Variants in KIF26A observed in about 807,000 individuals in gnomAD.
KIF26A encodes kinesin-like protein KIF26A.
A neutral mutation model predicts 126.0 loss-of-function variants in KIF26A; 74 were observed. That is an observed-to-expected ratio of 0.59 (90% CI 0.49 to 0.71). The LOEUF (loss-of-function observed/expected upper bound fraction) is 0.71, where lower values mean the gene tolerates loss of function less well. KIF26A is among the 30% of genes least tolerant of loss of function. KIF26A has a pLI of 0.00. For synonymous variants in KIF26A, 1,445 were observed against 1,232.7 expected, an observed-to-expected ratio of 1.17 and a Z score of -3.61; for missense variants, 2,984 against 2,763.3, an observed-to-expected ratio of 1.08 and a Z score of -1.79.
Position 104,180,846 on chromosome 14 carries a change from G to A in KIF26A, c.*1056G>A, listed in dbSNP as rs2038095523. 6.5e-6 allele frequency: 1 copy of A among 153,414 alleles called. No individual in the cohort carries two copies. Among genetic ancestry groups the A allele is most frequent in the African/African-American group, 2.4e-5 (1 of 41,380 alleles). The allele number at this position is 153,414 out of a possible 1,614,324, so 9.5% of individuals were successfully genotyped here. On this transcript the variant is annotated 3_prime_UTR_variant, in exon 15 of 15. Transcript: ENST00000423312. Reference sequence around the variant, plus strand: ...TGAACCTTTGTACAAATGTGTAGATGACATCTTGCTACAGCTTTTATTTGT... The same window carrying A: ...TGAACCTTTGTACAAATGTGTAGATAACATCTTGCTACAGCTTTTATTTGT...
At chr14:104,156,460 G>A (rs1027243258) in intron 3 of KIF26A, among the ~76,000 whole-genome samples, 2 of 152,136 alleles carry the variant, frequency 1.3e-5, no homozygotes, top group African/African-American at 4.8e-5. Context: ...TGGAAGCCCC[G>A]GAGGAGTGGC....
intron 5 of KIF26A, 139 bp from the exon 6 acceptor site, chr14:104,171,584 G>C (rs1402925240): frequency 1.5e-6 from 1 of 687,402 alleles, no homozygotes; most frequent in Admixed American, 2.5e-5. Flanking sequence ...GCAGGGGCGC[G>C]GTGTCCACAT....
rs1025176121 is a variant in KIF26A, at chr14:104,179,399, C to T, written c.5467+13C>T. ...TGGCTGGAGCAGTGTGAGTCCCGCC[C>T]GCCCACGGACCCAGCCCGGCCCACC... On this transcript the variant is annotated intron_variant, in intron 14 of 14. Coordinates refer to ENST00000423312, the MANE Select transcript of KIF26A (RefSeq NM_015656.2). 1.7e-5 allele frequency: 26 copies of T among 1,490,376 alleles called. No homozygotes were observed. The highest frequency in any genetic ancestry group is 2.8e-5 in the African/African-American group (2 of 71,246). 92.3% of individuals were successfully genotyped at this position (1,490,376 alleles called of 1,614,324 possible).
At chr14:104,160,467 G>A (rs2037823095) in intron 4 of KIF26A, among the ~76,000 whole-genome samples, 2 of 152,122 alleles carry the variant, frequency 1.3e-5, no homozygotes, top group African/African-American at 4.8e-5. Context: ...ATGCTAACAG[G>A]GGCATAGATA....
intron 2 of KIF26A, among the ~76,000 whole-genome samples, chr14:104,144,601 A>G (rs1326755159): frequency 6.6e-6 from 1 of 152,200 alleles, no homozygotes; most frequent in Non-Finnish European, 1.5e-5. Context: ...CCCTTAAGTA[A>G]CAAAGAAAGT....
intron 3 of KIF26A, among the ~76,000 whole-genome samples, chr14:104,154,413 C>T (rs1272413822): frequency 6.6e-6 from 1 of 152,202 alleles, no homozygotes; most frequent in Non-Finnish European, 1.5e-5. Flanking sequence ...CCCAGGGCTC[C>T]CAGGGCCTCC....
chr14:104,161,237 G>T (rs1354588670), intron 4 of KIF26A, among the ~76,000 whole-genome samples: 2 of 150,768 alleles, frequency 1.3e-5, no homozygotes, highest in Non-Finnish European at 3.0e-5. Context: ...CCCAGCTGGG[G>T]TCCCCCGATG....
intron 4 of KIF26A, among the ~76,000 whole-genome samples, chr14:104,160,954 G>T (rs1457471308): frequency 1.3e-5 from 2 of 152,248 alleles, no homozygotes; most frequent in Admixed American, 6.5e-5. Flanking sequence ...GAGCCCCCGT[G>T]TCAGCCTGGA....
chr14:104,164,712 TGA>T (rs535150442), intron 4 of KIF26A, among the ~76,000 whole-genome samples: 28 of 148,172 alleles, frequency 1.9e-4, no homozygotes, highest in Admixed American at 1.4e-3. Context: ...TGTATGTGTG[TGA>T]GTGTGTGTGC....
Position 104,175,589 on chromosome 14 carries a change from T to C in KIF26A, c.2801T>C (p.Leu934Pro). 6.2e-7 allele frequency: 1 copy of C among 1,609,640 alleles called. No homozygotes were observed. The highest frequency in any genetic ancestry group is 1.1e-5 in the South Asian group (1 of 91,046). ...GACAGCAGCGCTTGGCCTGAGCTGC[T>C]GGTCCCGGAAAAGGCTGCAGTGAGT... ...REDSSAWPEL[L>P]VPEKAAVSGG... The change falls in exon 12 of 15, where the codon CTG (leucine) becomes CCG (proline). Residue 934 changes from leucine (L) to proline (P), a missense_variant. By Grantham distance (98) the Leu-to-Pro change is moderately conservative. Transcript: ENST00000423312.
chr14:104,158,541 C>T (rs1596139015), intron 4 of KIF26A, among the ~76,000 whole-genome samples: 1 of 152,202 alleles, frequency 6.6e-6, no homozygotes, highest in East Asian at 1.9e-4. Flanking sequence ...CCAGGAGCAT[C>T]CCACATTGGG....
rs182062373 is a variant in KIF26A, at chr14:104,163,861, C to T, written c.924-2998C>T. On this transcript the variant is annotated intron_variant, in intron 4 of 14. Coordinates refer to ENST00000423312, the MANE Select transcript of KIF26A (RefSeq NM_015656.2). ...GGGCAAGGAACCCAAGTCCCCGAGG[C>T]GGCGGGTGGGCTTCCCACACCTGGA... Among the ~76,000 whole-genome samples the T allele has an allele frequency of 4.9e-3, 745 of 152,088 alleles. 2 individuals are homozygous for T. Among genetic ancestry groups the T allele is most frequent in the Non-Finnish European group, 7.8e-3 (530 of 67,976 alleles).
In KIF26A at chr14:104,175,470, G is replaced by A; in HGVS notation, c.2682G>A (p.Met894Ile). 4 of 1,592,696 alleles carry A rather than the reference G, an allele frequency of 2.5e-6. No homozygotes were observed. Among genetic ancestry groups the A allele is most frequent in the Non-Finnish European group, 3.4e-6 (4 of 1,176,786 alleles). The part of the protein sequence containing the change: ...ASPRKAVGTP[M>I]AASTPRGSSG... The stretch of plus-strand genomic sequence containing the variant: ...CCAGGAAGGCCGTGGGCACCCCGAT[G>A]GCTGCCAGCACCCCTCGAGGCAGTT... Residue 894 changes from methionine (M) to isoleucine (I), a missense_variant, in exon 12 of 15, where the codon ATG (methionine) becomes ATA (isoleucine). Transcript: ENST00000423312.
chr14:104,176,250 G>T lies in KIF26A; in HGVS notation c.3462G>T (p.Gly1154=), dbSNP rs1192674398. 4 of 1,598,226 alleles carry T rather than the reference G, an allele frequency of 2.5e-6. No homozygotes were observed. The highest frequency in any genetic ancestry group is 1.1e-5 in the South Asian group (1 of 88,896). The part of the protein sequence containing the change: ...GGPPALDGSL[G]DGSSGFLGPD... ...CCCCTGCCCTGGATGGTTCCCTGGG[G>T]GATGGAAGCTCTGGGTTCCTGGGGC... The change falls in exon 12 of 15, where the codon GGG becomes GGT. Residue 1154 remains glycine (G), a synonymous_variant. Transcript: ENST00000423312.
rs750976958 is a variant in KIF26A, at chr14:104,175,506, C to T, written c.2718C>T (p.Asp906=). 1 of 1,596,842 alleles carries T rather than the reference C, an allele frequency of 6.3e-7. No individual in the cohort carries two copies. Among genetic ancestry groups the T allele is most frequent in the Non-Finnish European group, 8.5e-7 (1 of 1,178,174 alleles). ...CCCCTCGAGGCAGTTCTGGTCCAGA[C>T]ACCCACCAGGGTACCCCTGAGCCCT... The part of the protein sequence containing the change: ...ASTPRGSSGP[D]THQGTPEPCK... Residue 906 remains aspartate (D), a synonymous_variant, in exon 12 of 15, where the codon GAC becomes GAT. Coordinates refer to ENST00000423312, the MANE Select transcript of KIF26A (RefSeq NM_015656.2).
chr14:104,178,950 C>T (rs866574883), intron 13 of KIF26A, among the ~76,000 whole-genome samples, 195 bp downstream of exon 13: 14 of 152,184 alleles, frequency 9.2e-5, no homozygotes, highest in South Asian at 2.1e-4. Flanking sequence ...GTTGCAGCTC[C>T]GACACTCCCC....
At position 104,179,253 on chromosome 14, in the gene KIF26A, T is replaced by C; in HGVS notation, c.5334T>C (p.Ser1778=). The change falls in exon 14 of 15, where the codon AGT becomes AGC. Residue 1778 remains serine (S), a synonymous_variant. Transcript: ENST00000423312. ...CCTCCCAGGGTCTGGCGTGCGTCAG[T>C]ACAAGGCTGCGGCTGGCGGAGCGCA... ...EAPTQGLACV[S]TRLRLAERRQ... 2.6e-6 allele frequency: 4 copies of C among 1,520,596 alleles called. No homozygotes were observed. Among genetic ancestry groups the C allele is most frequent in the Non-Finnish European group, 3.5e-6 (4 of 1,139,044 alleles). The allele number at this position is 1,520,596 out of a possible 1,614,324, so 94.2% of individuals were successfully genotyped here. A position where few individuals can be genotyped will look rare whatever the true frequency, so the allele number is the denominator to read the frequency against.
At chr14:104,168,015 CCCTGGG>C (rs145695415) in intron 5 of KIF26A, among the ~76,000 whole-genome samples, 6,530 of 152,250 alleles carry the variant, frequency 0.043, 177 homozygotes, top group Non-Finnish European at 0.063. Context: ...AGGCCCCTGT[CCCTGGG>C]CCTGGGGGTG....
chr14:104,173,116 C>G lies in KIF26A; in HGVS notation c.1560C>G (p.Ala520=). Reference sequence around the variant, plus strand: ...CCCGCTTCTCCGTCCGGGTCTCAGCCGTGGAGGTGTGCGGGCGCGACCAGA... The same window carrying G: ...CCCGCTTCTCCGTCCGGGTCTCAGCGGTGGAGGTGTGCGGGCGCGACCAGA... ...TGTRFSVRVS[A]VEVCGRDQSL... The change falls in exon 8 of 15, where the codon GCC becomes GCG. Residue 520 remains alanine (A), a synonymous_variant. Coordinates refer to ENST00000423312, the MANE Select transcript of KIF26A (RefSeq NM_015656.2). 1 of 1,607,734 alleles carries G rather than the reference C, an allele frequency of 6.2e-7. No homozygotes were observed. Among genetic ancestry groups the G allele is most frequent in the South Asian group, 1.1e-5 (1 of 90,246 alleles).
Sources: allele counts gnomAD v4.1 joint callset (sites outside exome capture counted in the v4.1 genomes callset), GRCh38; gene constraint gnomAD v4.1.1; transcripts MANE v1.5; gene names NCBI Gene and HGNC (gene_info 2026-07-23, HGNC 2026-07-21).